Variants in GPHN observed in about 807,000 individuals in gnomAD.
GPHN encodes gephyrin.
A neutral mutation model predicts 95.5 loss-of-function variants in GPHN; 17 were observed. That is an observed-to-expected ratio of 0.18 (90% CI 0.12 to 0.27). The LOEUF is 0.27. Ranked by LOEUF, GPHN falls within the 10% of genes least tolerant of loss-of-function variation. The pLI is 1.00. For missense variants in GPHN, 660 were observed against 978.1 expected, an observed-to-expected ratio of 0.67 and a Z score of 4.34; for synonymous variants, 320 against 322.5, an observed-to-expected ratio of 0.99 and a Z score of 0.08.
intron 6 of GPHN, among the ~76,000 whole-genome samples, chr14:66,919,561 C>T (rs2066094786): frequency 1.3e-5 from 2 of 152,170 alleles, no homozygotes; most frequent in Non-Finnish European, 2.9e-5. Flanking sequence ...AGATTTCACA[C>T]AAAGGTTTGG....
chr14:67,262,218 T>C, the GPHN span, among the ~76,000 whole-genome samples: 1 of 152,164 alleles, frequency 6.6e-6, no homozygotes, highest in African/African-American at 2.4e-5. Context: ...ATGTAAGATA[T>C]AAGTATGTAA....
chr14:66,940,874 A>G (rs1020809203), intron 8 of GPHN, among the ~76,000 whole-genome samples: 7 of 152,196 alleles, frequency 4.6e-5, no homozygotes, highest in Admixed American at 6.5e-5. Flanking sequence ...CTCCTCCAAC[A>G]AGGGAGAGAA....
the GPHN span, among the ~76,000 whole-genome samples, chr14:67,429,182 G>T: frequency 6.6e-6 from 1 of 151,882 alleles, no homozygotes; most frequent in Non-Finnish European, 1.5e-5. Context: ...CAGTGTGGTG[G>T]CTCATGCCTG....
chr14:66,578,800 C>G (rs1483243152), intron 1 of GPHN, among the ~76,000 whole-genome samples: 2 of 150,674 alleles, frequency 1.3e-5, no homozygotes, highest in Non-Finnish European at 3.0e-5. Context: ...GTTCACTAGA[C>G]TTGCCTTATA....
At chr14:67,306,395 A>C in the GPHN span, among the ~76,000 whole-genome samples, 1 of 151,640 alleles carries the variant, frequency 6.6e-6, no homozygotes, top group Non-Finnish European at 1.5e-5. Flanking sequence ...CCCAGGCTGG[A>C]GTACAGTGGT....
At chr14:67,045,957 TG>T (rs1218119808) in intron 10 of GPHN, among the ~76,000 whole-genome samples, 1 of 152,174 alleles carries the variant, frequency 6.6e-6, no homozygotes, top group Admixed American at 6.5e-5. Context: ...TGTACAGAAC[TG>T]GCAAGTTGGT....
At chr14:66,650,474 T>C (rs1388476442) in intron 1 of GPHN, among the ~76,000 whole-genome samples, 1 of 152,140 alleles carries the variant, frequency 6.6e-6, no homozygotes, top group African/African-American at 2.4e-5. Flanking sequence ...TTCATGAACT[T>C]TTAGGAGAGG....
chr14:67,493,052 A>C, the GPHN span, among the ~76,000 whole-genome samples: 2 of 152,334 alleles, frequency 1.3e-5, no homozygotes, highest in Admixed American at 1.3e-4. Flanking sequence ...AAAGATGAGA[A>C]GAAGCCGTGC....
chr14:66,871,961 G>A (rs757653847), intron 4 of GPHN, among the ~76,000 whole-genome samples: 1 of 152,148 alleles, frequency 6.6e-6, no homozygotes, highest in South Asian at 2.1e-4. Context: ...ATTTAAATAC[G>A]TAAAAAAAGA....
intron 1 of GPHN, among the ~76,000 whole-genome samples, chr14:66,561,790 T>C (rs1432353376): frequency 6.6e-6 from 1 of 152,164 alleles, no homozygotes; most frequent in Non-Finnish European, 1.5e-5. Context: ...TGTTATTATG[T>C]AGTTCTGAAG....
chr14:67,670,822 G>A, the GPHN span, among the ~76,000 whole-genome samples: 3 of 152,068 alleles, frequency 2.0e-5, no homozygotes, highest in Non-Finnish European at 4.4e-5. Flanking sequence ...CACCGTGCCC[G>A]GCCGTTTGTT....
In GPHN at chr14:67,180,753, C is replaced by A. The variant is rs41301469; in HGVS notation, c.2177-51C>A. 0.073 allele frequency: 115,505 copies of A among 1,587,568 alleles called. 4,533 individuals are homozygous for A. The highest frequency in any genetic ancestry group is 0.088 in the Middle Eastern group (468 of 5,332). ...TTTGAAAAGGTCTACAAGGGCCCAA[C>A]TGTATACGCCATGATGCTTATGCTG... On this transcript the variant is annotated intron_variant, in intron 22 of 22. Coordinates refer to ENST00000478722, the MANE Select transcript of GPHN (RefSeq NM_020806.5).
chr14:67,169,175 A>G (rs1357246033), intron 21 of GPHN, 139 bp downstream of exon 21: 2 of 684,024 alleles, frequency 2.9e-6, no homozygotes, highest in Admixed American at 4.5e-5. Context: ...CCCCCTGTGT[A>G]CTAGAAAATG....
At chr14:67,345,733 A>G in the GPHN span, 1 of 1,463,396 alleles carries the variant, frequency 6.8e-7, no homozygotes, top group Non-Finnish European at 9.6e-7. Flanking sequence ...TTACAAATCA[A>G]ACTACAGGAG....
At chr14:67,547,773 C>T in the GPHN span, among the ~76,000 whole-genome samples, 2 of 152,118 alleles carry the variant, frequency 1.3e-5, no homozygotes, top group East Asian at 3.9e-4. Context: ...ACCTGACTCC[C>T]TCGTACAAAA....
chr14:67,198,300 T>G, the GPHN span: 1 of 1,613,452 alleles, frequency 6.2e-7, no homozygotes. Flanking sequence ...TCCTCCCATG[T>G]TAGAGAGCAA....
At chr14:67,351,673 T>C in the GPHN span, among the ~76,000 whole-genome samples, 1 of 152,020 alleles carries the variant, frequency 6.6e-6, no homozygotes. Context: ...CACACTCTGC[T>C]AATTTTCTTC....
chr14:67,511,432 C>T, the GPHN span, among the ~76,000 whole-genome samples: 3 of 152,146 alleles, frequency 2.0e-5, no homozygotes, highest in African/African-American at 4.8e-5. Context: ...GAGACCTGTC[C>T]GTGTAGATGG....
chr14:67,194,736 G>T, the GPHN span, among the ~76,000 whole-genome samples: 5 of 152,024 alleles, frequency 3.3e-5, no homozygotes, highest in African/African-American at 1.2e-4. Flanking sequence ...CTCCTGACCT[G>T]GTGATCCACC....
Sources: allele counts gnomAD v4.1 joint callset (sites outside exome capture counted in the v4.1 genomes callset), GRCh38; gene constraint gnomAD v4.1.1; transcripts MANE v1.5; gene names NCBI Gene and HGNC (gene_info 2026-07-23, HGNC 2026-07-21).